The following ITPRID2 variants were observed in gnomAD, a reference collection of about 807,000 sequenced individuals.
ITPRID2 encodes protein ITPRID2.
ITPRID2 carries 60 observed loss-of-function variants against 124.3 expected under a neutral mutation model. The ratio of observed to expected loss-of-function variants is 0.48; its 90% CI spans 0.39 to 0.60. ITPRID2 has a LOEUF of 0.60. ITPRID2 is among the 20% of genes least tolerant of loss of function. The pLI, the probability that ITPRID2 is intolerant of heterozygous loss-of-function variation, is 0.00. For synonymous variants in ITPRID2, 521 were observed against 542.9 expected, an observed-to-expected ratio of 0.96 and a Z score of 0.56; for missense variants, 1,553 against 1,512.2, an observed-to-expected ratio of 1.03 and a Z score of -0.45.
At chr2:181,901,260 G>A (rs891666564) in intron 7 of ITPRID2, among the ~76,000 whole-genome samples, 9 of 152,146 alleles carry the variant, frequency 5.9e-5, no homozygotes, top group South Asian at 2.1e-4. Context: ...TGGCTAATTT[G>A]ATCAGTTTCA....
In ITPRID2 at chr2:181,892,240, C is replaced by G. The variant is rs1279498747; in HGVS notation, c.174C>G (p.Asp58Glu). The G allele has an allele frequency of 4.5e-6, 7 of 1,549,844 alleles. No individual in the cohort carries two copies. Among genetic ancestry groups the G allele is most frequent in the African/African-American group, 2.7e-5 (2 of 73,030 alleles). The change falls in exon 1 of 18, where the codon GAC (aspartate) becomes GAG (glutamate). Residue 58 changes from aspartate (D) to glutamate (E), a missense_variant. Coordinates refer to ENST00000431877, the MANE Select transcript of ITPRID2 (RefSeq NM_001130445.3). The surrounding 1 kb of genome is among the most constrained non-coding windows in gnomAD (Gnocchi z 5.2). ...TQDEEEDEEE[D>E]LPGAQLPAAG... ...ACGAGGAGGAGGACGAGGAGGAGGA[C>G]CTCCCCGGCGCGCAGCTGCCGGCAG...
chr2:181,924,468 T>G (rs1289522394), intron 16 of ITPRID2, among the ~76,000 whole-genome samples: 1 of 152,236 alleles, frequency 6.6e-6, no homozygotes, highest in African/African-American at 2.4e-5. Flanking sequence ...AGATTCTGTC[T>G]TCCTAGCAGA....
At position 181,915,853 on chromosome 2, in the gene ITPRID2, A is replaced by T. The variant is rs138666546; in HGVS notation, c.2213A>T (p.Gln738Leu). ...GCTGGCTATCCTCTAAGAAGGTCTC[A>T]GTCTTTACCAACCACCTTATTGAGC... ...AKAGYPLRRSQSLPTTLLSPV... is the reference protein window; with the variant it reads ...AKAGYPLRRSLSLPTTLLSPV... The change falls in exon 11 of 18, where the codon CAG becomes CTG. Residue 738 changes from glutamine to leucine, a missense_variant. Coordinates refer to ENST00000431877, the MANE Select transcript of ITPRID2 (RefSeq NM_001130445.3). The T allele has an allele frequency of 6.2e-7, 1 of 1,614,118 alleles. No individual in the cohort carries two copies. The highest frequency in any genetic ancestry group is 1.3e-5 in the African/African-American group (1 of 74,938).
chr2:181,920,496 T>A lies in ITPRID2; in HGVS notation c.3145-101T>A, dbSNP rs188381339. ...TAGCCAATTAATTTTATTATAAAAGTCTTGTGATTTGAAAAAATATATATG... is the reference window on the plus strand; with the variant it reads ...TAGCCAATTAATTTTATTATAAAAGACTTGTGATTTGAAAAAATATATATG... On this transcript the variant is annotated intron_variant, in intron 14 of 17. Transcript: ENST00000431877. 1.2e-5 allele frequency: 9 copies of A among 780,338 alleles called. No individual in the cohort carries two copies. The Middle Eastern group carries it at 1.0e-3, about 88-fold the overall frequency. 48.3% of individuals were successfully genotyped at this position (780,338 alleles called of 1,614,324 possible).
Position 181,900,673 on chromosome 2 carries a change from T to G in ITPRID2, c.504-23T>G, listed in dbSNP as rs1424133524. On this transcript the variant is annotated intron_variant, in intron 6 of 17. Transcript: ENST00000431877. ...ATTTATTTTATATTTTCATGTTTCCTTTTTTGCCCCCTTTTTTTGTAGTGT... is the reference window on the plus strand; with the variant it reads ...ATTTATTTTATATTTTCATGTTTCCGTTTTTGCCCCCTTTTTTTGTAGTGT... 4 of 1,541,202 alleles carry G rather than the reference T, an allele frequency of 2.6e-6. No individual in the cohort carries two copies. The Admixed American group carries it at 7.4e-5, about 29-fold the overall frequency.
chr2:181,898,734 T>C (rs1197437527), intron 4 of ITPRID2, 146 bp from the exon 5 acceptor site: 1 of 702,412 alleles, frequency 1.4e-6, no homozygotes, highest in Non-Finnish European at 2.5e-6. Context: ...CTTTTAATAA[T>C]GCAGATTTAA....
chr2:181,892,555 T>G lies in ITPRID2; in HGVS notation c.212-60T>G. ...TTTTCCTACTTGGGAGGGTCCAGGG[T>G]GACTCCGCCGTCGTAGTGCTCCTGG... is the stretch of plus-strand genomic sequence containing the variant. On this transcript the variant is annotated intron_variant, in intron 1 of 17. Coordinates refer to ENST00000431877, the MANE Select transcript of ITPRID2 (RefSeq NM_001130445.3). This position sits in a 1 kb window ranked among gnomAD's most constrained non-coding sequence, Gnocchi z 5.2. 1 of 1,603,304 alleles carries G rather than the reference T, an allele frequency of 6.2e-7. No homozygotes were observed. Among genetic ancestry groups the G allele is most frequent in the South Asian group, 1.1e-5 (1 of 90,872 alleles).
chr2:181,897,051 C>T (rs913795302), intron 4 of ITPRID2, 87 bp downstream of exon 4: 31 of 1,135,564 alleles, frequency 2.7e-5, no homozygotes, highest in Non-Finnish European at 3.4e-5. Context: ...GTTTATGATC[C>T]TCAAGCTAAA....
rs1391171660 is a variant in ITPRID2, at chr2:181,915,719, A to C, written c.2079A>C (p.Thr693=). ...CCTCTTCCATGGACAGAGTTAATAC[A>C]GCTTTGCAAAGAGCTCAAATGAAGG... The part of the protein sequence containing the change: ...GPPSSMDRVN[T]ALQRAQMKVC... Residue 693 remains threonine (T), a synonymous_variant, in exon 11 of 18, where the codon ACA becomes ACC. Transcript: ENST00000431877. The C allele has an allele frequency of 3.1e-6, 5 of 1,614,024 alleles. No homozygotes were observed. The highest frequency in any genetic ancestry group is 4.2e-6 in the Non-Finnish European group (5 of 1,180,048).
Position 181,913,840 on chromosome 2 carries a change from C to T in ITPRID2, c.1487-5C>T. 3 of 1,600,852 alleles carry T rather than the reference C, an allele frequency of 1.9e-6. No homozygotes were observed. Among genetic ancestry groups the T allele is most frequent in the Non-Finnish European group, 1.7e-6 (2 of 1,175,234 alleles). Reference sequence around the variant, plus strand: ...TTTCTTATAGCCACATTTTTTTATTCATAGATCATCTGTTACGTACTGCAA... The same window carrying T: ...TTTCTTATAGCCACATTTTTTTATTTATAGATCATCTGTTACGTACTGCAA... On this transcript the variant is annotated splice_region_variant and splice_polypyrimidine_tract_variant and intron_variant, in intron 9 of 17. Transcript: ENST00000431877.
At chr2:181,895,541 A>G (rs1248098692) in intron 2 of ITPRID2, among the ~76,000 whole-genome samples, 5 of 152,072 alleles carry the variant, frequency 3.3e-5, no homozygotes, top group Admixed American at 2.6e-4. Flanking sequence ...CTGAAATGCT[A>G]GTGATAGATT....
Position 181,913,904 on chromosome 2 carries a change from A to T in ITPRID2, c.1546A>T (p.Thr516Ser). 6.2e-7 allele frequency: 1 copy of T among 1,613,452 alleles called. No individual in the cohort carries two copies. The highest frequency in any genetic ancestry group is 8.5e-7 in the Non-Finnish European group (1 of 1,179,722). The change falls in exon 10 of 18, where the codon ACA becomes TCA. Residue 516 changes from threonine (T) to serine (S), a missense_variant. Thr to Ser is a moderately conservative substitution (Grantham distance 58, BLOSUM62 1). Coordinates refer to ENST00000431877, the MANE Select transcript of ITPRID2 (RefSeq NM_001130445.3). The stretch of plus-strand genomic sequence containing the variant: ...TAGCAGTGGTTTTGCTGAAGATTCT[A>T]CAGACTGCCTATCCCTTAATCATCT... Reference protein sequence around the residue: ...SDSSGFAEDSTDCLSLNHLQV... With the variant: ...SDSSGFAEDSSDCLSLNHLQV...
chr2:181,915,812 G>T lies in ITPRID2; in HGVS notation c.2172G>T (p.Arg724Ser), dbSNP rs893218160. ...AATCAAAAGATTTGTTAAAACAAAG[G>T]TACTTATTTGCAAAAGCTGGCTATC... ...LLKSKDLLKQ[R>S]YLFAKAGYPL... The change falls in exon 11 of 18, where the codon AGG (arginine) becomes AGT (serine). Residue 724 changes from arginine (R) to serine (S), a missense_variant. Transcript: ENST00000431877. 6.2e-7 allele frequency: 1 copy of T among 1,614,160 alleles called. No homozygotes were observed.
chr2:181,899,153 T>A, intron 6 of ITPRID2, 41 bp downstream of exon 6: 1 of 1,350,810 alleles, frequency 7.4e-7, no homozygotes, highest in Non-Finnish European at 1.0e-6. Flanking sequence ...CATTGTGCTA[T>A]AGATGACCTA....
chr2:181,896,830 A>T lies in ITPRID2; in HGVS notation c.308-78A>T. On this transcript the variant is annotated intron_variant, in intron 3 of 17. Coordinates refer to ENST00000431877, the MANE Select transcript of ITPRID2 (RefSeq NM_001130445.3). The surrounding 1 kb of genome is among the most constrained non-coding windows in gnomAD (Gnocchi z 4.3). ...CTGTATAAGATATTTTGCTGGGTGA[A>T]TTTAACTAAAACAGTGATTTTATAT... is the stretch of plus-strand genomic sequence containing the variant. 3 of 1,149,462 alleles carry T rather than the reference A, an allele frequency of 2.6e-6. No homozygotes were observed. The highest frequency in any genetic ancestry group is 3.9e-6 in the Non-Finnish European group (3 of 766,362). The allele number at this position is 1,149,462 out of a possible 1,614,324, so 71.2% of individuals were successfully genotyped here.
Position 181,892,263 on chromosome 2 carries a change from C to T in ITPRID2, c.197C>T (p.Ala66Val), listed in dbSNP as rs1204361963. 1.3e-6 allele frequency: 2 copies of T among 1,547,994 alleles called. No individual in the cohort carries two copies. Among genetic ancestry groups the T allele is most frequent in the Non-Finnish European group, 1.7e-6 (2 of 1,145,894 alleles). ...EEDLPGAQLPAAGGRGNVPNE... is the reference protein window; with the variant it reads ...EEDLPGAQLPVAGGRGNVPNE... ...GACCTCCCCGGCGCGCAGCTGCCGG[C>T]AGCGGGGGGAAGAGGTCGGTGCTCC... The change falls in exon 1 of 18, where the codon GCA becomes GTA. Residue 66 changes from alanine (A) to valine (V), a missense_variant. By Grantham distance (64) the Ala-to-Val change is moderately conservative. Transcript: ENST00000431877. This position sits in a 1 kb window ranked among gnomAD's most constrained non-coding sequence, Gnocchi z 5.2.
At chr2:181,926,071 C>T (rs972721816) in intron 16 of ITPRID2, among the ~76,000 whole-genome samples, 3 of 151,202 alleles carry the variant, frequency 2.0e-5, no homozygotes, top group Non-Finnish European at 2.9e-5. Context: ...GTCAGGAGTT[C>T]GAGACCAGCC....
chr2:181,919,307 A>G lies in ITPRID2; in HGVS notation c.3005A>G (p.Asp1002Gly), dbSNP rs1273369527. The G allele has an allele frequency of 3.1e-6, 5 of 1,614,086 alleles. No individual in the cohort carries two copies. The Admixed American group carries it at 5.0e-5, about 16-fold the overall frequency. Residue 1002 changes from aspartate (D) to glycine (G), a missense_variant, in exon 14 of 18, where the codon GAT becomes GGT. Asp to Gly is a moderately conservative substitution (Grantham distance 94). Coordinates refer to ENST00000431877, the MANE Select transcript of ITPRID2 (RefSeq NM_001130445.3). The surrounding 1 kb of genome is among the most constrained non-coding windows in gnomAD (Gnocchi z 4.2). ...CACCATACCAATAGGTTTGAAGTTG[A>G]TCAGCTCCAGGGTTTGAGAAATTCA... The part of the protein sequence containing the change: ...HMTEEERFEV[D>G]QLQGLRNSVR...
chr2:181,918,202 G>C, intron 11 of ITPRID2: 1 of 619,016 alleles, frequency 1.6e-6, no homozygotes, highest in Non-Finnish European at 2.0e-6. Flanking sequence ...GAAATGCTAA[G>C]ATGTCTGAGA....
Sources: allele counts gnomAD v4.1 joint callset (sites outside exome capture counted in the v4.1 genomes callset), GRCh38; gene constraint gnomAD v4.1.1; non-coding constraint Gnocchi (gnomAD v3.1); transcripts MANE v1.5; gene names NCBI Gene and HGNC (gene_info 2026-07-23, HGNC 2026-07-21).